The following MYT1L variants were observed in gnomAD, a reference collection of about 807,000 sequenced individuals.
MYT1L encodes the protein myelin transcription factor 1 like, also known as myelin transcription factor 1-like protein.
In MYT1L, 12 loss-of-function variants were observed where a neutral mutation model predicts 126.7. That is an observed-to-expected ratio of 0.09 (90% confidence interval 0.06 to 0.15). The LOEUF (loss-of-function observed/expected upper bound fraction) is 0.15. Ranked by LOEUF, MYT1L falls within the 10% of genes least tolerant of loss-of-function variation. The probability of loss-of-function intolerance (pLI) is 1.00; values close to 1 mark genes in which losing one functional copy is unlikely to be tolerated. For missense variants in MYT1L, 979 were observed against 1,585.2 expected (o/e 0.62, Z 6.49); for synonymous variants, 541 against 604.2 (o/e 0.90, Z 1.53).
intron 3 of MYT1L, among the ~76,000 whole-genome samples, chr2:2,109,157 T>C (rs779690430): frequency 2.6e-5 from 4 of 152,240 alleles, no homozygotes; most frequent in Non-Finnish European, 4.4e-5. Flanking sequence ...ACCTTGATTG[T>C]GGACAGTCAT....
intron 18 of MYT1L, among the ~76,000 whole-genome samples, chr2:1,860,153 A>G (rs935602689): frequency 2.0e-5 from 3 of 152,232 alleles, no homozygotes; most frequent in Non-Finnish European, 4.4e-5. Context: ...CCAGTGCGGC[A>G]GAACGTACCT....
chr2:2,297,860 C>G (rs1263556898), intron 1 of MYT1L, among the ~76,000 whole-genome samples: 3 of 152,210 alleles, frequency 2.0e-5, no homozygotes, highest in African/African-American at 4.8e-5. Context: ...CTCTCTCCCT[C>G]TCTCCCACAA....
In MYT1L at chr2:1,851,572, C is replaced by G; in HGVS notation, c.2774+69G>C. ...AAACTTCGCAAGGCTTGGAGCCTGA[C>G]GTGAGTGATATTCCTGCCATTTCAG... On this transcript the variant is annotated intron_variant, in intron 19 of 24. Transcript: ENST00000647738. 15 of 1,470,002 alleles carry G rather than the reference C, an allele frequency of 1.0e-5. No individual in the cohort carries two copies. In the South Asian group the frequency reaches 1.6e-4, roughly 16 times the overall value. 91.1% of individuals were successfully genotyped at this position (1,470,002 alleles called of 1,614,324 possible). A position where few individuals can be genotyped will look rare whatever the true frequency, so the allele number is the denominator to read the frequency against.
intron 4 of MYT1L, among the ~76,000 whole-genome samples, chr2:2,026,322 G>A (rs1382797957): frequency 6.6e-6 from 1 of 152,182 alleles, no homozygotes; most frequent in Admixed American, 6.5e-5. Flanking sequence ...CGCACCAGAG[G>A]AGACTGAGGA....
chr2:2,270,486 A>G (rs978496281), intron 2 of MYT1L, among the ~76,000 whole-genome samples: 1 of 152,182 alleles, frequency 6.6e-6, no homozygotes, highest in Non-Finnish European at 1.5e-5. Context: ...AGAGGGACAG[A>G]AGGGAATGAT....
chr2:2,051,798 G>A (rs1309063528), intron 4 of MYT1L, among the ~76,000 whole-genome samples: 1 of 151,952 alleles, frequency 6.6e-6, no homozygotes, highest in Non-Finnish European at 1.5e-5. Flanking sequence ...ATAAGGTCAT[G>A]GTACACGCTT....
intron 3 of MYT1L, among the ~76,000 whole-genome samples, chr2:2,092,873 G>C (rs975020746): frequency 1.3e-5 from 2 of 152,182 alleles, no homozygotes; most frequent in Non-Finnish European, 2.9e-5. Flanking sequence ...CTTGTTTATG[G>C]TATGGAGCTG....
chr2:2,121,260 C>T (rs889395441), intron 3 of MYT1L, among the ~76,000 whole-genome samples: 1 of 152,218 alleles, frequency 6.6e-6, no homozygotes, highest in African/African-American at 2.4e-5. Flanking sequence ...CAAACTCCAC[C>T]TCCCGGGTCC....
chr2:1,801,865 G>A lies in MYT1L; in HGVS notation c.3173-66C>T. On this transcript the variant is annotated intron_variant, in intron 22 of 24. Transcript: ENST00000647738. This position sits in a 1 kb window ranked among gnomAD's most constrained non-coding sequence, Gnocchi z 4.2. Reference sequence around the variant, plus strand: ...AAAAATATTAGAGTTAGAATTTTGGGAGCTTTCTTTGTTCCTTTTATATTC... The same window carrying A: ...AAAAATATTAGAGTTAGAATTTTGGAAGCTTTCTTTGTTCCTTTTATATTC... 1 of 1,027,294 alleles carries A rather than the reference G, an allele frequency of 9.7e-7. No individual in the cohort carries two copies. The highest frequency in any genetic ancestry group is 1.4e-6 in the Non-Finnish European group (1 of 706,388). The allele number at this position is 1,027,294 out of a possible 1,614,324, so 63.6% of individuals were successfully genotyped here. A position where few individuals can be genotyped will look rare whatever the true frequency, so the allele number is the denominator to read the frequency against.
At position 1,848,415 on chromosome 2, in the gene MYT1L, T is replaced by C. The variant is rs1413330498; in HGVS notation, c.2774+3226A>G. Among the ~76,000 whole-genome samples, 1 of 151,358 alleles carries C rather than the reference T, an allele frequency of 6.6e-6. No homozygotes were observed. The highest frequency in any genetic ancestry group is 2.1e-4 in the South Asian group (1 of 4,814). On this transcript the variant is annotated intron_variant, in intron 19 of 24. Transcript: ENST00000647738. The surrounding 1 kb of genome is among the most constrained non-coding windows in gnomAD (Gnocchi z 4.8). ...AGGTGCGCGAGGCGGATCTGTGCTC[T>C]GAACAGGTTCAGGATCATTGTTTGG...
rs1466512652 is a variant in MYT1L, at chr2:2,262,939, G to GACATATATATATATAT, written c.-421+21464_-421+21465insATATATATATATATGT. On this transcript the variant is annotated intron_variant, in intron 2 of 24. Transcript: ENST00000647738. ...AAATATATATATATATATAACCTGT[G>GACATATATATATATAT]ATATATATATATATATCACAGGTAA... is the stretch of plus-strand genomic sequence containing the variant. 1.6e-3 allele frequency among the ~76,000 whole-genome samples: 85 copies of GACATATATATATATAT among 51,946 alleles called. 2 individuals are homozygous for GACATATATATATATAT. Among genetic ancestry groups the GACATATATATATATAT allele is most frequent in the African/African-American group, 6.7e-3 (78 of 11,704 alleles). 34.1% of individuals were successfully genotyped at this position (51,946 alleles called of 152,430 possible). A position where few individuals can be genotyped will look rare whatever the true frequency, so the allele number is the denominator to read the frequency against.
chr2:1,836,131 T>G (rs2040844432), intron 21 of MYT1L, among the ~76,000 whole-genome samples: 1 of 152,080 alleles, frequency 6.6e-6, no homozygotes, highest in South Asian at 2.1e-4. Context: ...AGAAGGGAGC[T>G]TCTAGCATTG....
intron 1 of MYT1L, among the ~76,000 whole-genome samples, chr2:2,312,798 C>T (rs1431479346): frequency 6.6e-6 from 1 of 151,944 alleles, no homozygotes; most frequent in Non-Finnish European, 1.5e-5. Context: ...AAGGACATTT[C>T]ACTCAAAAGA....
intron 3 of MYT1L, among the ~76,000 whole-genome samples, chr2:2,085,867 C>T (rs961312612): frequency 3.9e-5 from 6 of 152,218 alleles, no homozygotes; most frequent in African/African-American, 1.4e-4. Context: ...CACTCGGTTT[C>T]CTGATCCACA....
At chr2:2,223,924 G>T (rs567070753) in intron 2 of MYT1L, among the ~76,000 whole-genome samples, 1 of 152,334 alleles carries the variant, frequency 6.6e-6, no homozygotes, top group Admixed American at 6.5e-5. Context: ...AGGTGGGTCA[G>T]CGAAGGGAGA....
intron 2 of MYT1L, among the ~76,000 whole-genome samples, chr2:2,229,169 A>G (rs2094098648): frequency 6.6e-6 from 1 of 152,262 alleles, no homozygotes; most frequent in Non-Finnish European, 1.5e-5. Context: ...TCTTCTCTAT[A>G]CAAATAGAAT....
At chr2:1,956,611 T>A (rs564756509) in intron 8 of MYT1L, among the ~76,000 whole-genome samples, 1 of 149,616 alleles carries the variant, frequency 6.7e-6, no homozygotes, top group Non-Finnish European at 1.5e-5. Flanking sequence ...TATCTATCTA[T>A]CTATCTATCT....
intron 3 of MYT1L, among the ~76,000 whole-genome samples, chr2:2,150,912 A>AGATG (rs1359713915): frequency 3.1e-5 from 3 of 95,492 alleles, no homozygotes; most frequent in Non-Finnish European, 6.3e-5. Context: ...GGAGGGAGGG[A>AGATG]GACGGAGGGA....
chr2:1,968,486 C>G (rs2149430150), intron 8 of MYT1L, among the ~76,000 whole-genome samples: 1 of 152,308 alleles, frequency 6.6e-6, no homozygotes, highest in South Asian at 2.1e-4. Flanking sequence ...CTGGCGATGT[C>G]AAGTAGTGCA....
Sources: gnomAD v4.1 joint callset for allele counts (sites outside exome capture counted in the v4.1 genomes callset) on GRCh38, gnomAD v4.1.1 for gene constraint, Gnocchi (gnomAD v3.1) non-coding constraint, MANE v1.5 for transcripts, NCBI Gene and HGNC (gene_info 2026-07-23, HGNC 2026-07-21) for gene names.